LRRC4C: variants seen among roughly 807,000 people sequenced by gnomAD.
LRRC4C encodes the protein leucine-rich repeat-containing protein 4C.
Under a neutral mutation model 33.6 loss-of-function variants are expected in LRRC4C, and 5 were observed. That is an observed-to-expected ratio of 0.15 (90% CI 0.08 to 0.31). The LOEUF (loss-of-function observed/expected upper bound fraction) is 0.31. Among genes scored for constraint, LRRC4C ranks in the 10% least tolerant of loss-of-function variants. The pLI is 1.00. For missense variants in LRRC4C, 560 were observed against 796.7 expected (o/e 0.70, Z 3.58); for synonymous variants, 329 against 302.0 (o/e 1.09, Z -0.93).
At chr11:40,736,342 C>A (rs900637373) in intron 2 of LRRC4C, among the ~76,000 whole-genome samples, 3 of 152,094 alleles carry the variant, frequency 2.0e-5, no homozygotes, top group Non-Finnish European at 2.9e-5. Context: ...AGGACATGAG[C>A]TCATCCTTTT....
chr11:41,237,053 G>A (rs907438398), intron 1 of LRRC4C, among the ~76,000 whole-genome samples: 1 of 152,132 alleles, frequency 6.6e-6, no homozygotes, highest in South Asian at 2.1e-4. Flanking sequence ...TCATAAAGAG[G>A]ACCACCTATG....
intron 5 of LRRC4C, among the ~76,000 whole-genome samples, chr11:40,156,674 CCAA>C (rs901914460): frequency 6.0e-5 from 9 of 150,810 alleles, no homozygotes; most frequent in Admixed American, 5.3e-4. Flanking sequence ...ACAAAAAAAC[CCAA>C]CAACAACAAC....
chr11:41,035,560 G>A (rs965357656), intron 1 of LRRC4C, among the ~76,000 whole-genome samples: 6 of 152,088 alleles, frequency 3.9e-5, no homozygotes, highest in Non-Finnish European at 7.4e-5. Context: ...GGACATGATC[G>A]TGTTCCTTTT....
intron 5 of LRRC4C, among the ~76,000 whole-genome samples, chr11:40,230,813 C>T (rs747007529): frequency 3.3e-5 from 5 of 152,136 alleles, no homozygotes; most frequent in Non-Finnish European, 7.4e-5. Flanking sequence ...AAATGCTCCT[C>T]TATTTAGTTT....
chr11:40,401,449 C>A (rs1949755678), intron 3 of LRRC4C, among the ~76,000 whole-genome samples: 1 of 152,216 alleles, frequency 6.6e-6, no homozygotes, highest in South Asian at 2.1e-4. Context: ...TTTTGGCTTT[C>A]ATTTACCCTT....
At position 41,316,262 on chromosome 11, in the gene LRRC4C, C is replaced by CAAAAAAAAAAA. The variant is rs60671406; in HGVS notation, c.-496+143158_-496+143168dup. On this transcript the variant is annotated intron_variant, in intron 1 of 6. Coordinates refer to ENST00000528697, the MANE Select transcript of LRRC4C (RefSeq NM_001258419.2). ...GAAACCAGTAAAAATCTCTGGATGGCAAAAAAAAAAAAAAAAACAAAAAAA... is the reference window on the plus strand; with the variant it reads ...GAAACCAGTAAAAATCTCTGGATGGCAAAAAAAAAAAAAAAAAAAAAAAAAAAACAAAAAAA... Among the ~76,000 whole-genome samples, 70 of 77,980 alleles carry CAAAAAAAAAAA rather than the reference C, an allele frequency of 9.0e-4. 1 individual carries two copies. The highest frequency in any genetic ancestry group is 3.2e-3 in the East Asian group (5 of 1,582). The allele number at this position is 77,980 out of a possible 152,430, so 51.2% of individuals were successfully genotyped here. A position where few individuals can be genotyped will look rare whatever the true frequency, so the allele number is the denominator to read the frequency against.
chr11:40,333,756 A>T (rs576311210), intron 3 of LRRC4C, among the ~76,000 whole-genome samples: 2 of 150,168 alleles, frequency 1.3e-5, no homozygotes, highest in Non-Finnish European at 3.0e-5. Context: ...TCATAAATAC[A>T]TGGGATTTTG....
intron 3 of LRRC4C, among the ~76,000 whole-genome samples, chr11:40,583,537 C>G (rs1958572280): frequency 1.3e-5 from 2 of 152,098 alleles, no homozygotes; most frequent in African/African-American, 4.8e-5. Flanking sequence ...CGTACCATAC[C>G]TTGCCTGTCT....
intron 1 of LRRC4C, among the ~76,000 whole-genome samples, chr11:41,217,716 A>T (rs903919970): frequency 7.2e-5 from 11 of 152,144 alleles, no homozygotes; most frequent in Admixed American, 2.6e-4. Flanking sequence ...GTGGGGGTGG[A>T]TGATGGGAGG....
At chr11:40,868,626 C>A (rs1954485436) in intron 2 of LRRC4C, among the ~76,000 whole-genome samples, 1 of 152,102 alleles carries the variant, frequency 6.6e-6, no homozygotes, top group African/African-American at 2.4e-5. Flanking sequence ...CCACCACCAC[C>A]AAGTTTGAAG....
intron 3 of LRRC4C, among the ~76,000 whole-genome samples, chr11:40,580,105 G>A (rs902597128): frequency 1.3e-5 from 2 of 148,198 alleles, no homozygotes; most frequent in Non-Finnish European, 3.0e-5. Flanking sequence ...AGATGAAAGG[G>A]AGTGAGAAAA....
intron 2 of LRRC4C, among the ~76,000 whole-genome samples, chr11:40,697,209 T>C (rs1386345344): frequency 6.6e-6 from 1 of 152,078 alleles, no homozygotes; most frequent in African/African-American, 2.4e-5. Context: ...AATGAAGATA[T>C]GTGTGTCAGA....
intron 1 of LRRC4C, among the ~76,000 whole-genome samples, chr11:41,080,342 C>CTTTTTTT (rs71060997): frequency 5.3e-3 from 547 of 103,190 alleles, no homozygotes; most frequent in Middle Eastern, 0.018. Flanking sequence ...GAGTCTCCTC[C>CTTTTTTT]TTTTTTTTTT....
At chr11:40,742,219 T>A (rs1202145984) in intron 2 of LRRC4C, among the ~76,000 whole-genome samples, 1 of 151,998 alleles carries the variant, frequency 6.6e-6, no homozygotes, top group Non-Finnish European at 1.5e-5. Context: ...TGAGGCATCA[T>A]TGAGATTTTT....
At chr11:41,037,073 C>A (rs1267697124) in intron 1 of LRRC4C, among the ~76,000 whole-genome samples, 1 of 152,150 alleles carries the variant, frequency 6.6e-6, no homozygotes. Flanking sequence ...TCTTTTTGAT[C>A]CATTTAAAAG....
At chr11:40,244,714 G>A (rs1289658897) in intron 4 of LRRC4C, among the ~76,000 whole-genome samples, 1 of 151,838 alleles carries the variant, frequency 6.6e-6, no homozygotes, top group Non-Finnish European at 1.5e-5. Flanking sequence ...TTGATTTTCA[G>A]CAGTGGGCTA....
chr11:40,720,597 G>A lies in LRRC4C; in HGVS notation c.-406-72319C>T, dbSNP rs527885241. On this transcript the variant is annotated intron_variant, in intron 2 of 6. Transcript: ENST00000528697. ...GGGACAGAGGACATGGCATTGGGAGGTCAGGTACCACCTCGTCTTCACCTT... is the reference window on the plus strand; with the variant it reads ...GGGACAGAGGACATGGCATTGGGAGATCAGGTACCACCTCGTCTTCACCTT... Among the ~76,000 whole-genome samples the A allele has an allele frequency of 5.3e-5, 8 of 151,856 alleles. No individual in the cohort carries two copies. In the South Asian group the frequency reaches 1.7e-3, roughly 32 times the overall value.
At chr11:40,364,736 A>C (rs1226721311) in intron 3 of LRRC4C, among the ~76,000 whole-genome samples, 1 of 152,090 alleles carries the variant, frequency 6.6e-6, no homozygotes, top group Non-Finnish European at 1.5e-5. Flanking sequence ...ATATGATGAT[A>C]ATAACAAAAA....
chr11:41,456,206 C>G (rs142254198), intron 1 of LRRC4C, among the ~76,000 whole-genome samples: 1,561 of 152,266 alleles, frequency 0.01, 11 homozygotes, highest in Middle Eastern at 0.044. Context: ...TTATTAGCCA[C>G]AGTTTCAGCA....
Sources: allele counts gnomAD v4.1 joint callset (sites outside exome capture counted in the v4.1 genomes callset), GRCh38; gene constraint gnomAD v4.1.1; transcripts MANE v1.5; gene names NCBI Gene and HGNC (gene_info 2026-07-23, HGNC 2026-07-21).